CACNA1C: variants seen among roughly 807,000 people sequenced by gnomAD.
CACNA1C encodes calcium voltage-gated channel subunit alpha1 C.
Under a neutral mutation model 229.0 loss-of-function variants are expected in CACNA1C, and 30 were observed. The observed-to-expected ratio is 0.13, with a 90% CI of 0.10 to 0.18. CACNA1C has a LOEUF of 0.18. CACNA1C is among the 10% of genes least tolerant of loss of function. The pLI, the probability that CACNA1C is intolerant of heterozygous loss-of-function variation, is 1.00. For synonymous variants in CACNA1C, 1,114 were observed against 1,132.5 expected (o/e 0.98, Z 0.33); for missense variants, 1,658 against 2,845.0 (o/e 0.58, Z 9.49).
chr12:2,530,269 A>G (rs1047250217), intron 9 of CACNA1C, among the ~76,000 whole-genome samples: 3 of 152,252 alleles, frequency 2.0e-5, no homozygotes, highest in Admixed American at 2.0e-4. Context: ...ATTACTCCTA[A>G]TGGAAATGGC....
chr12:2,673,294 C>T (rs774989405), intron 38 of CACNA1C, among the ~76,000 whole-genome samples: 2 of 151,928 alleles, frequency 1.3e-5, no homozygotes, highest in Non-Finnish European at 2.9e-5. Flanking sequence ...TGGAGAAACC[C>T]CATCTCTACT....
At chr12:2,145,053 A>G (rs12301499) in intron 3 of CACNA1C, among the ~76,000 whole-genome samples, 1,624 of 151,352 alleles carry the variant, frequency 0.011, 49 homozygotes, top group African/African-American at 0.037. Flanking sequence ...TGAAAACTCA[A>G]TTAGCATGCA....
intron 3 of CACNA1C, among the ~76,000 whole-genome samples, chr12:2,205,884 T>C (rs1007352785): frequency 6.6e-6 from 1 of 152,158 alleles, no homozygotes; most frequent in Non-Finnish European, 1.5e-5. Flanking sequence ...TGTCCTCATA[T>C]AGTGGAAGGG....
intron 1 of CACNA1C, among the ~76,000 whole-genome samples, chr12:2,069,331 G>A (rs2060399059): frequency 6.6e-6 from 1 of 152,178 alleles, no homozygotes; most frequent in South Asian, 2.1e-4. Flanking sequence ...GAACAGAAAA[G>A]TTAAACCAAA....
chr12:2,395,054 C>CT (rs1265277992), intron 3 of CACNA1C, among the ~76,000 whole-genome samples: 1 of 152,080 alleles, frequency 6.6e-6, no homozygotes, highest in African/African-American at 2.4e-5. Flanking sequence ...GGATCTCACT[C>CT]TGTTGCCCAG....
At chr12:2,472,004 C>T (rs2099596113) in intron 5 of CACNA1C, among the ~76,000 whole-genome samples, 1 of 152,228 alleles carries the variant, frequency 6.6e-6, no homozygotes, top group Admixed American at 6.5e-5. Context: ...TATTTCCCTG[C>T]ACATAATGTT....
Position 2,585,374 on chromosome 12 carries a change from A to G in CACNA1C, c.2340-2A>G. The G allele has an allele frequency of 6.2e-7, 1 of 1,612,474 alleles. No homozygotes were observed. The highest frequency in any genetic ancestry group is 8.5e-7 in the Non-Finnish European group (1 of 1,179,218). ...TATTTTTTTCTGCTGCTGACTGGCC[A>G]GGACTGCCAGCCCAGAGAAGAAACA... is the stretch of plus-strand genomic sequence containing the variant. On this transcript the variant is annotated splice_acceptor_variant, in intron 16 of 46. Coordinates refer to ENST00000399655, the MANE Select transcript of CACNA1C (RefSeq NM_000719.7). LOFTEE classifies it high-confidence loss of function. This position sits in a 1 kb window ranked among gnomAD's most constrained non-coding sequence, Gnocchi z 4.1.
intron 1 of CACNA1C, chr12:1,991,733 A>C (rs924768967): frequency 1.9e-5 from 3 of 157,224 alleles, no homozygotes; most frequent in Non-Finnish European, 2.8e-5. Flanking sequence ...TATCAGATAA[A>C]CCCTGTGGGA....
intron 18 of CACNA1C, among the ~76,000 whole-genome samples, chr12:2,588,345 G>A (rs2063501785): frequency 6.6e-6 from 1 of 152,178 alleles, no homozygotes. Flanking sequence ...CTCCTGCTCT[G>A]CCTTCAGCCA....
At position 2,626,144 on chromosome 12, in the gene CACNA1C, G is replaced by A. The variant is rs575471853; in HGVS notation, c.3829-8153G>A. 1.5e-4 allele frequency among the ~76,000 whole-genome samples: 23 copies of A among 152,248 alleles called. No homozygotes were observed. In the South Asian group the frequency reaches 2.3e-3, roughly 15 times the overall value. ...TTCAAGAGTGTGGGTGCAGGTTGCC[G>A]GCCAGATGCCCTGGCCATGCCTGGA... On this transcript the variant is annotated intron_variant, in intron 29 of 46. Coordinates refer to ENST00000399655, the MANE Select transcript of CACNA1C (RefSeq NM_000719.7).
At position 2,585,797 on chromosome 12, in the gene CACNA1C, C is replaced by T. The variant is rs2062195794; in HGVS notation, c.2461-38C>T. On this transcript the variant is annotated intron_variant, in intron 17 of 46. Coordinates refer to ENST00000399655, the MANE Select transcript of CACNA1C (RefSeq NM_000719.7). This position sits in a 1 kb window ranked among gnomAD's most constrained non-coding sequence, Gnocchi z 4.1. Reference sequence around the variant, plus strand: ...CAAGCCTCTTAACTTGGGGACGTATCTAACTATTCTTCCCCCTTCTCCCCT... The same window carrying T: ...CAAGCCTCTTAACTTGGGGACGTATTTAACTATTCTTCCCCCTTCTCCCCT... The T allele has an allele frequency of 6.8e-7, 1 of 1,460,134 alleles. No individual in the cohort carries two copies. The highest frequency in any genetic ancestry group is 9.5e-7 in the Non-Finnish European group (1 of 1,049,710). The allele number at this position is 1,460,134 out of a possible 1,614,324, so 90.4% of individuals were successfully genotyped here.
chr12:2,150,919 A>G (rs1460073430), intron 3 of CACNA1C, among the ~76,000 whole-genome samples: 4 of 152,208 alleles, frequency 2.6e-5, no homozygotes, highest in African/African-American at 9.7e-5. Flanking sequence ...ATGGTGGTCA[A>G]CGCCACTTCT....
intron 7 of CACNA1C, among the ~76,000 whole-genome samples, chr12:2,498,001 A>G (rs1228401955): frequency 6.6e-6 from 1 of 151,090 alleles, no homozygotes; most frequent in Non-Finnish European, 1.5e-5. Context: ...ACACACACAC[A>G]CAACAGCTAT....
intron 30 of CACNA1C, among the ~76,000 whole-genome samples, chr12:2,645,934 T>C (rs2094308933): frequency 6.6e-6 from 1 of 152,188 alleles, no homozygotes; most frequent in African/African-American, 2.4e-5. Context: ...GAGTTGTCAT[T>C]ACCGGGGCAG....
intron 6 of CACNA1C, among the ~76,000 whole-genome samples, chr12:2,491,236 T>C (rs554911305): frequency 1.1e-4 from 16 of 152,230 alleles, no homozygotes; most frequent in African/African-American, 3.1e-4. Flanking sequence ...GGAGGAAGGA[T>C]TGACTGCAAG....
chr12:2,647,264 T>C lies in CACNA1C; in HGVS notation c.3913-1211T>C, dbSNP rs943730394. ...TTCTAGAAAGAGTTAGCAGCTCAGA[T>C]GGTCAAGATCAGTCGGGGCTGAGCC... On this transcript the variant is annotated intron_variant, in intron 30 of 46. Coordinates refer to ENST00000399655, the MANE Select transcript of CACNA1C (RefSeq NM_000719.7). The surrounding 1 kb of genome is among the most constrained non-coding windows in gnomAD (Gnocchi z 4.2). Among the ~76,000 whole-genome samples, 1 of 152,192 alleles carries C rather than the reference T, an allele frequency of 6.6e-6. No individual in the cohort carries two copies. Among genetic ancestry groups the C allele is most frequent in the Admixed American group, 6.5e-5 (1 of 15,282 alleles).
intron 3 of CACNA1C, among the ~76,000 whole-genome samples, chr12:2,290,430 CT>C (rs1196342325): frequency 6.6e-6 from 1 of 152,186 alleles, no homozygotes; most frequent in Non-Finnish European, 1.5e-5. Flanking sequence ...CAACAGAAAT[CT>C]TGGAGCAGAT....
chr12:2,618,539 C>T (rs2081793339), intron 29 of CACNA1C, among the ~76,000 whole-genome samples: 1 of 152,260 alleles, frequency 6.6e-6, no homozygotes. Context: ...CTGGGGCAGC[C>T]AGGGCTGAGG....
At chr12:2,626,826 T>C (rs866522451) in intron 29 of CACNA1C, among the ~76,000 whole-genome samples, 3 of 152,188 alleles carry the variant, frequency 2.0e-5, no homozygotes, top group Admixed American at 6.5e-5. Flanking sequence ...GGAGGGCTGA[T>C]TCATATTCGT....
Sources: allele counts gnomAD v4.1 joint callset (sites outside exome capture counted in the v4.1 genomes callset), GRCh38; gene constraint gnomAD v4.1.1; non-coding constraint Gnocchi (gnomAD v3.1); transcripts MANE v1.5; gene names NCBI Gene and HGNC (gene_info 2026-07-23, HGNC 2026-07-21).